The following GRID2 variants were observed in gnomAD, a reference collection of about 807,000 sequenced individuals.
GRID2 encodes the protein glutamate ionotropic receptor delta type subunit 2, also known as glutamate receptor ionotropic, delta-2.
In GRID2, 33 loss-of-function variants were observed where a neutral mutation model predicts 114.8. The observed-to-expected ratio is 0.29, with a 90% confidence interval of 0.22 to 0.38. GRID2 has a LOEUF of 0.38. Ranked by LOEUF, GRID2 falls within the 10% of genes least tolerant of loss-of-function variation. The pLI is 1.00. For synonymous variants in GRID2, 505 were observed against 449.9 expected (o/e 1.12, Z -1.55); for missense variants, 1,184 against 1,257.7 (o/e 0.94, Z 0.89).
intron 8 of GRID2, among the ~76,000 whole-genome samples, chr4:93,254,484 GGGGA>G (rs1277338159): frequency 6.6e-6 from 1 of 152,044 alleles, no homozygotes; most frequent in South Asian, 2.1e-4. Context: ...CAGAAACTAT[GGGGA>G]GTTTTATTGC....
chr4:93,200,456 C>T (rs1299914192), intron 4 of GRID2, among the ~76,000 whole-genome samples: 1 of 152,062 alleles, frequency 6.6e-6, no homozygotes, highest in Non-Finnish European at 1.5e-5. Flanking sequence ...GTCCCAGCTA[C>T]TCGGGAGGCT....
intron 2 of GRID2, among the ~76,000 whole-genome samples, chr4:92,734,735 A>T (rs1179354803): frequency 6.6e-6 from 1 of 150,800 alleles, no homozygotes; most frequent in Admixed American, 6.6e-5. Context: ...TTAACTATGA[A>T]TTATTGTACA....
intron 2 of GRID2, among the ~76,000 whole-genome samples, chr4:92,709,322 T>C (rs1735105009): frequency 6.6e-6 from 1 of 152,068 alleles, no homozygotes; most frequent in Admixed American, 6.6e-5. Context: ...TAAGTAAATA[T>C]TTAATAACAA....
chr4:92,353,362 TC>T (rs1463397505), intron 1 of GRID2, among the ~76,000 whole-genome samples: 1 of 151,954 alleles, frequency 6.6e-6, no homozygotes, highest in Non-Finnish European at 1.5e-5. Flanking sequence ...TTTACTTTCT[TC>T]CTTTGAATGG....
At chr4:92,592,658 T>C (rs1169144745) in intron 2 of GRID2, among the ~76,000 whole-genome samples, 2 of 152,072 alleles carry the variant, frequency 1.3e-5, no homozygotes, top group African/African-American at 4.8e-5. Context: ...GTTTGCCTGA[T>C]GGTTTCTGAT....
chr4:93,045,966 G>A (rs1207443816), intron 2 of GRID2, among the ~76,000 whole-genome samples: 1 of 151,970 alleles, frequency 6.6e-6, no homozygotes, highest in Admixed American at 6.6e-5. Flanking sequence ...TGAGTTGAGT[G>A]GGATTAATCC....
chr4:93,242,900 C>T (rs887300902), intron 8 of GRID2, among the ~76,000 whole-genome samples: 3 of 151,972 alleles, frequency 2.0e-5, no homozygotes, highest in Non-Finnish European at 4.4e-5. Flanking sequence ...TAAATCTCTG[C>T]TATTAAAATG....
At chr4:93,758,729 A>G (rs1029099861) in intron 14 of GRID2, among the ~76,000 whole-genome samples, 2 of 152,204 alleles carry the variant, frequency 1.3e-5, no homozygotes, top group Non-Finnish European at 2.9e-5. Context: ...TGCATAACAT[A>G]TATACTATAC....
chr4:92,540,216 C>T (rs1356186934), intron 1 of GRID2, among the ~76,000 whole-genome samples: 1 of 152,098 alleles, frequency 6.6e-6, no homozygotes, highest in Non-Finnish European at 1.5e-5. Flanking sequence ...TAGGCAATAC[C>T]ATTCAGGACA....
intron 1 of GRID2, among the ~76,000 whole-genome samples, chr4:92,548,384 A>C (rs1407111756): frequency 9.9e-6 from 1 of 101,442 alleles, no homozygotes; most frequent in African/African-American, 4.8e-5. Flanking sequence ...CTATGAAGAC[A>C]TTTCTGAGAC....
chr4:92,447,717 G>A (rs1309635064), intron 1 of GRID2, among the ~76,000 whole-genome samples: 1 of 152,174 alleles, frequency 6.6e-6, no homozygotes, highest in Admixed American at 6.5e-5. Context: ...TTGTCCTTTG[G>A]TTCACAGACA....
chr4:93,418,855 C>T lies in GRID2; in HGVS notation c.1348-3916C>T, dbSNP rs528412446. 1.0e-3 allele frequency among the ~76,000 whole-genome samples: 154 copies of T among 152,008 alleles called. 1 individual carries two copies. Among genetic ancestry groups the T allele is most frequent in the African/African-American group, 3.6e-3 (151 of 41,522 alleles). ...ATCTGGAGCCTCCATCAGGGTACCA[C>T]CATAAATTGTGTTAAAATTTGAGAT... On this transcript the variant is annotated intron_variant, in intron 9 of 15. Coordinates refer to ENST00000282020, the MANE Select transcript of GRID2 (RefSeq NM_001510.4).
intron 3 of GRID2, among the ~76,000 whole-genome samples, chr4:93,103,517 C>T (rs1457920277): frequency 6.6e-6 from 1 of 151,900 alleles, no homozygotes; most frequent in Non-Finnish European, 1.5e-5. Flanking sequence ...TAAACAAAAC[C>T]TCACATTACT....
chr4:93,376,736 A>G (rs1023509290), intron 8 of GRID2, among the ~76,000 whole-genome samples: 1 of 149,800 alleles, frequency 6.7e-6, no homozygotes, highest in Non-Finnish European at 1.5e-5. Flanking sequence ...ACCAAATGCC[A>G]CATGTTCTCA....
chr4:93,756,466 T>C (rs1341874174), intron 14 of GRID2, among the ~76,000 whole-genome samples: 1 of 152,182 alleles, frequency 6.6e-6, no homozygotes. Flanking sequence ...CAAGCAAGGT[T>C]TCAGCAAGGT....
At chr4:93,431,802 A>G (rs2149380782) in intron 10 of GRID2, among the ~76,000 whole-genome samples, 1 of 152,254 alleles carries the variant, frequency 6.6e-6, no homozygotes, top group Non-Finnish European at 1.5e-5. Context: ...GAAAGAAGGA[A>G]AATGTAATAT....
At chr4:93,266,723 T>C (rs977454122) in intron 8 of GRID2, among the ~76,000 whole-genome samples, 1 of 152,126 alleles carries the variant, frequency 6.6e-6, no homozygotes, top group Non-Finnish European at 1.5e-5. Flanking sequence ...TTTTCCAGGG[T>C]TTTTATAAGG....
At chr4:92,617,408 T>C (rs539553103) in intron 2 of GRID2, among the ~76,000 whole-genome samples, 2 of 151,796 alleles carry the variant, frequency 1.3e-5, no homozygotes, top group African/African-American at 2.4e-5. Context: ...TGCTGTGTGA[T>C]GCTACTTTTT....
Position 92,813,198 on chromosome 4 carries a change from A to C in GRID2, c.244+222912A>C, listed in dbSNP as rs978562396. On this transcript the variant is annotated intron_variant, in intron 2 of 15. Transcript: ENST00000282020. ...GGTCACCCACTGTTTTGGTCAATTT[A>C]GGCTGCTATAGCAAATTACCATAGA... is the stretch of plus-strand genomic sequence containing the variant. 8.5e-5 allele frequency among the ~76,000 whole-genome samples: 13 copies of C among 152,154 alleles called. No individual in the cohort carries two copies. In the East Asian group the frequency reaches 2.5e-3, roughly 29 times the overall value.
Sources: gnomAD v4.1 joint callset for allele counts (sites outside exome capture counted in the v4.1 genomes callset) on GRCh38, gnomAD v4.1.1 for gene constraint, MANE v1.5 for transcripts, NCBI Gene and HGNC (gene_info 2026-07-23, HGNC 2026-07-21) for gene names.